DENND3: variants seen among roughly 807,000 people sequenced by gnomAD.
DENND3 encodes the protein DENN domain-containing protein 3.
Under a neutral mutation model 135.1 loss-of-function variants are expected in DENND3, and 88 were observed. The observed-to-expected ratio is 0.65, with a 90% CI of 0.55 to 0.78. DENND3 has a LOEUF of 0.78. Ranked by LOEUF, DENND3 falls within the 30% of genes least tolerant of loss-of-function variation. The pLI is 0.00. For missense variants in DENND3, 1,392 were observed against 1,688.4 expected (o/e 0.82, Z 3.08); for synonymous variants, 693 against 712.3 (o/e 0.97, Z 0.43).
At chr8:141,183,251 T>TATTA (rs1163186767) in intron 17 of DENND3, among the ~76,000 whole-genome samples, 2 of 152,110 alleles carry the variant, frequency 1.3e-5, no homozygotes, top group Non-Finnish European at 2.9e-5. Context: ...GCAATGACTT[T>TATTA]ATTATTTTTA....
Position 141,151,757 on chromosome 8 carries a change from G to A in DENND3, c.994G>A (p.Asp332Asn). 6.2e-7 allele frequency: 1 copy of A among 1,614,196 alleles called. No homozygotes were observed. Among genetic ancestry groups the A allele is most frequent in the Non-Finnish European group, 8.5e-7 (1 of 1,180,042 alleles). The change falls in exon 7 of 23, where the codon GAC becomes AAC. Residue 332 changes from aspartate (D) to asparagine (N), a missense_variant. Asp to Asn is a conservative substitution (Grantham distance 23). Transcript: ENST00000519811. ...GCACCCCTTCGTGCCCATCCTGTCG[G>A]ACCAGATGCTGGATTTCGTCATGGC... is the stretch of plus-strand genomic sequence containing the variant. ...WQHPFVPILS[D>N]QMLDFVMAPT...
At chr8:141,193,078 T>A in intron 22 of DENND3, 1 of 350,080 alleles carries the variant, frequency 2.9e-6, no homozygotes, top group Non-Finnish European at 5.4e-6. Flanking sequence ...CGTGGCACTC[T>A]AACCTGTGCC....
At position 141,175,594 on chromosome 8, in the gene DENND3, TC is replaced by T; in HGVS notation, c.2535+138del. ...CTTCTGCAGACCGAATGCCTTCCTG[TC>T]CCTCAGTTTGCTCATCTGTAAAGTA... On this transcript the variant is annotated intron_variant, in intron 14 of 22. Coordinates refer to ENST00000519811, the MANE Select transcript of DENND3 (RefSeq NM_001352890.3). This position sits in a 1 kb window ranked among gnomAD's most constrained non-coding sequence, Gnocchi z 5.4. The T allele has an allele frequency of 7.3e-7, 1 of 1,362,746 alleles. No homozygotes were observed. Among genetic ancestry groups the T allele is most frequent in the Non-Finnish European group, 1.0e-6 (1 of 975,514 alleles). The allele number at this position is 1,362,746 out of a possible 1,614,324, so 84.4% of individuals were successfully genotyped here.
rs1360943317 is a variant in DENND3 at position 141,182,208 on chromosome 8, G to A, written c.2944+1354G>A. The A allele has an allele frequency of 3.2e-5, 22 of 682,880 alleles. No individual in the cohort carries two copies. The highest frequency in any genetic ancestry group is 4.0e-5 in the Non-Finnish European group (22 of 554,062). The allele number at this position is 682,880 out of a possible 1,614,324, so 42.3% of individuals were successfully genotyped here. On this transcript the variant is annotated intron_variant, in intron 17 of 22. Coordinates refer to ENST00000519811, the MANE Select transcript of DENND3 (RefSeq NM_001352890.3). This position sits in a 1 kb window ranked among gnomAD's most constrained non-coding sequence, Gnocchi z 5.9. ...TCACCCCCTCTCACAGGCCATGTCC[G>A]CGGCTTCACAGAGCACCTGGCCATT...
Position 141,154,552 on chromosome 8 carries a change from ATCTTTTTTTTT to A in DENND3, c.1075-1284_1075-1274del, listed in dbSNP as rs1028792447. On this transcript the variant is annotated intron_variant, in intron 7 of 22. Coordinates refer to ENST00000519811, the MANE Select transcript of DENND3 (RefSeq NM_001352890.3). The surrounding 1 kb of genome is among the most constrained non-coding windows in gnomAD (Gnocchi z 4.4). The stretch of plus-strand genomic sequence containing the variant: ...AACCTTGTCAACAACATGTATTGGA[ATCTTTTTTTTT>A]TCTTTTTTTTTTTTGTGAGATGGAG... 8.6e-5 allele frequency among the ~76,000 whole-genome samples: 13 copies of A among 151,130 alleles called. No individual in the cohort carries two copies. The highest frequency in any genetic ancestry group is 3.3e-4 in the Admixed American group (5 of 15,186).
intron 8 of DENND3, among the ~76,000 whole-genome samples, chr8:141,159,389 T>A (rs1301919173): frequency 6.6e-6 from 1 of 152,218 alleles, no homozygotes; most frequent in Non-Finnish European, 1.5e-5. Flanking sequence ...TGGGCCGCAC[T>A]GGGTCCATCA....
intron 20 of DENND3, among the ~76,000 whole-genome samples, chr8:141,190,808 G>A (rs910503919): frequency 1.3e-5 from 2 of 152,234 alleles, no homozygotes; most frequent in African/African-American, 2.4e-5. Flanking sequence ...GGCAGCTGGC[G>A]AGCCCGTGCT....
intron 13 of DENND3, among the ~76,000 whole-genome samples, chr8:141,171,442 G>C (rs866335061): frequency 1.3e-5 from 2 of 152,330 alleles, no homozygotes; most frequent in Middle Eastern, 6.8e-3. Flanking sequence ...TGGCCGTGCA[G>C]AAGCAAGACG....
rs892402984 is a variant in DENND3 at position 141,128,746 on chromosome 8, G to C, written c.39G>C (p.Ser13=). Residue 13 remains serine, a synonymous_variant, in exon 1 of 23, where the codon TCG becomes TCC. Coordinates refer to ENST00000519811, the MANE Select transcript of DENND3 (RefSeq NM_001352890.3). The surrounding 1 kb of genome is among the most constrained non-coding windows in gnomAD (Gnocchi z 4.5). ...CGTCGCCGCACTTGTCGCTGCCCTC[G>C]GGGCTGCTGGAGCTCTGCGCGCTGC... ...EAASPHLSLP[S]GLLELCALLG... The C allele has an allele frequency of 7.6e-6, 11 of 1,456,468 alleles. No individual in the cohort carries two copies. In the African/African-American group the frequency reaches 1.0e-4, roughly 14 times the overall value. 90.2% of individuals were successfully genotyped at this position (1,456,468 alleles called of 1,614,324 possible).
intron 5 of DENND3, among the ~76,000 whole-genome samples, chr8:141,149,759 C>T (rs527671070): frequency 4.1e-4 from 63 of 152,370 alleles, no homozygotes; most frequent in Non-Finnish European, 7.9e-4. Flanking sequence ...AGGTGTCCCC[C>T]GCTGGGACGC....
At chr8:141,178,348 C>T (rs757053381) in intron 16 of DENND3, 152 bp downstream of exon 16, 39 of 1,203,510 alleles carry the variant, frequency 3.2e-5, no homozygotes, top group Non-Finnish European at 3.9e-5. Flanking sequence ...AGTCGCACAC[C>T]TTATCCGGCA....
chr8:141,193,068 C>A, intron 22 of DENND3: 2 of 375,960 alleles, frequency 5.3e-6, no homozygotes, highest in Non-Finnish European at 9.6e-6. Context: ...TGGCTGTGGA[C>A]GTGGCACTCT....
Position 141,144,286 on chromosome 8 carries a change from T to G in DENND3, c.735+27T>G. The G allele has an allele frequency of 1.3e-6, 2 of 1,566,686 alleles. No homozygotes were observed. Among genetic ancestry groups the G allele is most frequent in the East Asian group, 2.3e-5 (1 of 44,188 alleles). ...TAAAGTATATCTGAAATTATATTGT[T>G]TTTTCTTTGCAAATAGTAAAAGTAA... On this transcript the variant is annotated intron_variant, in intron 5 of 22. Transcript: ENST00000519811. The surrounding 1 kb of genome is among the most constrained non-coding windows in gnomAD (Gnocchi z 4.4).
rs1319786510 is a variant in DENND3, at chr8:141,130,713, G to A, written c.102+1904G>A. Among the ~76,000 whole-genome samples, 1 of 149,604 alleles carries A rather than the reference G, an allele frequency of 6.7e-6. No homozygotes were observed. The highest frequency in any genetic ancestry group is 1.5e-5 in the Non-Finnish European group (1 of 67,610). ...TATATTTTTTTTTTTTTGAGACAGA[G>A]TTTTGCTCTGTTGCCCAGGATGGAG... is the stretch of plus-strand genomic sequence containing the variant. On this transcript the variant is annotated intron_variant, in intron 1 of 22. Coordinates refer to ENST00000519811, the MANE Select transcript of DENND3 (RefSeq NM_001352890.3). This position sits in a 1 kb window ranked among gnomAD's most constrained non-coding sequence, Gnocchi z 4.2.
intron 8 of DENND3, among the ~76,000 whole-genome samples, chr8:141,158,616 C>T (rs879410285): frequency 5.9e-5 from 9 of 152,148 alleles, no homozygotes; most frequent in African/African-American, 1.4e-4. Context: ...TTGTGGGCTG[C>T]GGTGTCGTTG....
Position 141,150,874 on chromosome 8 carries a change from G to A in DENND3, c.776G>A (p.Arg259Gln), listed in dbSNP as rs767722169. ...TCGCTCCAGATTGTGTTACCTGCCC[G>A]AGCAGACCCCGAAAGCCCCATCCTG... ...MKSLQIVLPA[R>Q]ADPESPILDL... Residue 259 changes from arginine to glutamine, a missense_variant, in exon 6 of 23, where the codon CGA becomes CAA. Coordinates refer to ENST00000519811, the MANE Select transcript of DENND3 (RefSeq NM_001352890.3). The A allele has an allele frequency of 8.7e-6, 14 of 1,608,612 alleles. No homozygotes were observed. Among genetic ancestry groups the A allele is most frequent in the South Asian group, 5.5e-5 (5 of 90,318 alleles).
chr8:141,170,747 G>A (rs1821440479), intron 13 of DENND3, among the ~76,000 whole-genome samples: 1 of 152,238 alleles, frequency 6.6e-6, no homozygotes, highest in African/African-American at 2.4e-5. Context: ...AATCCCACTG[G>A]GGGTGACTGT....
rs1825189626 is a variant in DENND3, at chr8:141,194,938, A to G, written c.*705A>G. The G allele has an allele frequency of 6.6e-6, 1 of 152,376 alleles. No individual in the cohort carries two copies. Among genetic ancestry groups the G allele is most frequent in the East Asian group, 1.9e-4 (1 of 5,186 alleles). The allele number at this position is 152,376 out of a possible 1,614,324, so 9.4% of individuals were successfully genotyped here. On this transcript the variant is annotated 3_prime_UTR_variant, in exon 23 of 23. Transcript: ENST00000519811. Reference sequence around the variant, plus strand: ...ACCTTTTTTCTACCAAAGATCACAGACCAGAAAAAGTTCCATCTAAAATAT... The same window carrying G: ...ACCTTTTTTCTACCAAAGATCACAGGCCAGAAAAAGTTCCATCTAAAATAT...
At chr8:141,185,110 T>TAACA in intron 17 of DENND3, 29 bp from the exon 18 acceptor site, 1 of 1,600,172 alleles carries the variant, frequency 6.2e-7, no homozygotes, top group Non-Finnish European at 8.5e-7. Flanking sequence ...TGTTTCCTCC[T>TAACA]AACAGTTTTG....
Sources: allele counts gnomAD v4.1 joint callset (sites outside exome capture counted in the v4.1 genomes callset), GRCh38; gene constraint gnomAD v4.1.1; non-coding constraint Gnocchi (gnomAD v3.1); transcripts MANE v1.5; gene names NCBI Gene and HGNC (gene_info 2026-07-23, HGNC 2026-07-21).